The following ARFGEF1 variants were observed in gnomAD, a reference collection of about 807,000 sequenced individuals.
ARFGEF1 encodes the protein brefeldin A-inhibited guanine nucleotide-exchange protein 1.
Under a neutral mutation model 231.0 loss-of-function variants are expected in ARFGEF1, and 42 were observed. The observed-to-expected ratio is 0.18, with a 90% CI of 0.14 to 0.24. The LOEUF (loss-of-function observed/expected upper bound fraction) is 0.24, where lower values mean the gene tolerates loss of function less well. ARFGEF1 is among the 10% of genes least tolerant of loss of function. The pLI is 1.00. For synonymous variants in ARFGEF1, 710 were observed against 732.3 expected (o/e 0.97, Z 0.49); for missense variants, 1,345 against 2,192.0 (o/e 0.61, Z 7.72).
intron 1 of ARFGEF1, among the ~76,000 whole-genome samples, chr8:67,336,609 C>A (rs1808353986): frequency 6.6e-6 from 1 of 152,188 alleles, no homozygotes; most frequent in Admixed American, 6.5e-5. Context: ...AGTAACTGAT[C>A]TCGTCTCCAT....
chr8:67,246,019 G>C (rs1840095735), intron 19 of ARFGEF1, among the ~76,000 whole-genome samples: 1 of 150,478 alleles, frequency 6.6e-6, no homozygotes. Flanking sequence ...CAATGATAAA[G>C]AGGTCAATTC....
intron 1 of ARFGEF1, among the ~76,000 whole-genome samples, chr8:67,324,455 T>G (rs1807738256): frequency 6.6e-6 from 1 of 152,222 alleles, no homozygotes; most frequent in South Asian, 2.1e-4. Flanking sequence ...TGCCACAGCA[T>G]GTTCCTATAA....
intron 3 of ARFGEF1, among the ~76,000 whole-genome samples, chr8:67,300,975 C>T (rs1239588743): frequency 6.6e-6 from 1 of 152,016 alleles, no homozygotes; most frequent in African/African-American, 2.4e-5. Flanking sequence ...ACCAAATCAA[C>T]ACTTTTCATT....
intron 19 of ARFGEF1, among the ~76,000 whole-genome samples, chr8:67,248,718 CATT>C (rs1840180438): frequency 6.6e-6 from 1 of 150,406 alleles, no homozygotes; most frequent in Non-Finnish European, 1.5e-5. Flanking sequence ...TAGTGGTTCT[CATT>C]GTGCAGCTCA....
chr8:67,267,385 G>C lies in ARFGEF1; in HGVS notation c.1630C>G (p.His544Asp). The change falls in exon 11 of 39, where the codon CAC becomes GAC. Residue 544 changes from histidine to aspartate, a missense_variant. Around this residue, in one of 14 missense-constraint regions of ARFGEF1, gnomAD observed 141 missense variants for 259.9 expected, o/e 0.54. Coordinates refer to ENST00000262215, the MANE Select transcript of ARFGEF1 (RefSeq NM_006421.5). ...ILETSTSSFD[H>D]KWMVIQTLTR... is the part of the protein sequence containing the mutation. Reference sequence around the variant, plus strand: ...AGTGTCTGAATAACCATCCATTTGTGATCAAATGAGCTGGTAGAAGTTTCC... The same window carrying C: ...AGTGTCTGAATAACCATCCATTTGTCATCAAATGAGCTGGTAGAAGTTTCC... 1 of 1,611,966 alleles carries C rather than the reference G, an allele frequency of 6.2e-7. No homozygotes were observed. Among genetic ancestry groups the C allele is most frequent in the Non-Finnish European group, 8.5e-7 (1 of 1,179,170 alleles).
chr8:67,262,624 CA>C (rs1476129831), intron 14 of ARFGEF1, among the ~76,000 whole-genome samples: 2 of 152,090 alleles, frequency 1.3e-5, no homozygotes, highest in East Asian at 3.9e-4. Flanking sequence ...ACAATCAAGG[CA>C]AAAAAGTTTA....
In ARFGEF1 at chr8:67,292,203, T is replaced by C. The variant is rs1587239464; in HGVS notation, c.640-80A>G. On this transcript the variant is annotated intron_variant, in intron 5 of 38. Coordinates refer to ENST00000262215, the MANE Select transcript of ARFGEF1 (RefSeq NM_006421.5). ...AGGATAATGTTACCTCCAACAATCCTTTCTATAAGGTGCCATTCTCTCTAC... is the reference window on the plus strand; with the variant it reads ...AGGATAATGTTACCTCCAACAATCCCTTCTATAAGGTGCCATTCTCTCTAC... 1.0e-5 allele frequency: 13 copies of C among 1,247,636 alleles called. No homozygotes were observed. In the East Asian group the frequency reaches 3.1e-4, roughly 30 times the overall value. The allele number at this position is 1,247,636 out of a possible 1,614,324, so 77.3% of individuals were successfully genotyped here.
downstream of ARFGEF1, chr8:67,195,292 T>C (rs1171979932): frequency 3.7e-6 from 3 of 818,628 alleles, no homozygotes; most frequent in Non-Finnish European, 6.5e-6. Context: ...AAATGCTGAG[T>C]TGTAATGAGT....
chr8:67,335,530 C>T (rs935870447), intron 1 of ARFGEF1, among the ~76,000 whole-genome samples: 9 of 152,098 alleles, frequency 5.9e-5, no homozygotes, highest in African/African-American at 2.2e-4. Flanking sequence ...GAGTAAAAGC[C>T]ATAGAGATTC....
intron 32 of ARFGEF1, 64 bp downstream of exon 32, chr8:67,217,718 C>T (rs1478421573): frequency 2.0e-6 from 3 of 1,526,242 alleles, no homozygotes; most frequent in African/African-American, 1.4e-5. Context: ...CTTTTAATCA[C>T]TAGTCACTCT....
chr8:67,267,719 C>G (rs530581008), intron 10 of ARFGEF1, among the ~76,000 whole-genome samples: 1 of 152,276 alleles, frequency 6.6e-6, no homozygotes, highest in African/African-American at 2.4e-5. Context: ...TAGAGTTCCT[C>G]TAGGTGATAA....
rs116856339 is a variant in ARFGEF1, at chr8:67,267,525, G to C, written c.1573-83C>G. On this transcript the variant is annotated intron_variant, in intron 10 of 38. Transcript: ENST00000262215. Reference sequence around the variant, plus strand: ...ACTTTTTAAACATCCCAGAGCTATAGAGCAGGTATTAGGACCCAGGCTCTT... The same window carrying C: ...ACTTTTTAAACATCCCAGAGCTATACAGCAGGTATTAGGACCCAGGCTCTT... 23 of 892,198 alleles carry C rather than the reference G, an allele frequency of 2.6e-5. No individual in the cohort carries two copies. The East Asian group carries it at 3.6e-4, about 14-fold the overall frequency. 55.3% of individuals were successfully genotyped at this position (892,198 alleles called of 1,614,324 possible). A position where few individuals can be genotyped will look rare whatever the true frequency, so the allele number is the denominator to read the frequency against.
At chr8:67,323,802 T>C (rs1404160141) in intron 1 of ARFGEF1, among the ~76,000 whole-genome samples, 1 of 151,460 alleles carries the variant, frequency 6.6e-6, no homozygotes, top group African/African-American at 2.4e-5. Context: ...CCCAGAAATC[T>C]ACTTTTTTTT....
chr8:67,193,091 T>C (rs910099477), downstream of ARFGEF1, among the ~76,000 whole-genome samples: 1 of 152,210 alleles, frequency 6.6e-6, no homozygotes, highest in Non-Finnish European at 1.5e-5. Context: ...CAGTGTACAT[T>C]TGAGGGCAAG....
chr8:67,213,183 C>T (rs970138704), intron 33 of ARFGEF1, among the ~76,000 whole-genome samples: 10 of 152,112 alleles, frequency 6.6e-5, no homozygotes, highest in Admixed American at 3.9e-4. Context: ...AAGTTTTAAC[C>T]GTTGACAATT....
chr8:67,323,886 C>T (rs561459865), intron 1 of ARFGEF1, among the ~76,000 whole-genome samples: 85 of 152,092 alleles, frequency 5.6e-4, no homozygotes, highest in Non-Finnish European at 9.9e-4. Flanking sequence ...CTGCAAGCTC[C>T]GCCCCTTGAG....
In ARFGEF1 at chr8:67,277,399, C is replaced by G. The variant is rs1449993806; in HGVS notation, c.1086G>C (p.Glu362Asp). Reference protein sequence around the residue: ...ASADGNIGTIEDGSDSENIQA... With the variant: ...ASADGNIGTIDDGSDSENIQA... Reference sequence around the variant, plus strand: ...GAATATTTTCACTGTCACTACCATCCTCTATAGTTCCAATGTTGCCATCTG... The same window carrying G: ...GAATATTTTCACTGTCACTACCATCGTCTATAGTTCCAATGTTGCCATCTG... The change falls in exon 8 of 39, where the codon GAG becomes GAC. Residue 362 changes from glutamate to aspartate, a missense_variant. Coordinates refer to ENST00000262215, the MANE Select transcript of ARFGEF1 (RefSeq NM_006421.5). 1 of 1,613,816 alleles carries G rather than the reference C, an allele frequency of 6.2e-7. No homozygotes were observed. The highest frequency in any genetic ancestry group is 8.5e-7 in the Non-Finnish European group (1 of 1,179,838).
chr8:67,281,802 A>G (rs539539282), intron 7 of ARFGEF1, among the ~76,000 whole-genome samples: 1 of 152,200 alleles, frequency 6.6e-6, no homozygotes, highest in South Asian at 2.1e-4. Context: ...GGAATAGAGA[A>G]GAAAGGACTC....
At chr8:67,294,018 T>C (rs1271052938) in intron 5 of ARFGEF1, among the ~76,000 whole-genome samples, 1 of 151,988 alleles carries the variant, frequency 6.6e-6, no homozygotes, top group Non-Finnish European at 1.5e-5. Context: ...AAAATACTGA[T>C]GGCGGGGGGA....
Sources: allele counts gnomAD v4.1 joint callset (sites outside exome capture counted in the v4.1 genomes callset), GRCh38; gene constraint gnomAD v4.1.1; regional missense constraint gnomAD v4.1.1; transcripts MANE v1.5; gene names NCBI Gene and HGNC (gene_info 2026-07-23, HGNC 2026-07-21).